Variants in STAG3 observed in about 807,000 individuals in gnomAD.
STAG3 encodes STAG3 cohesin complex component.
A neutral mutation model predicts 160.7 loss-of-function variants in STAG3; 101 were observed. That is an observed-to-expected ratio of 0.63 (90% CI 0.54 to 0.74). The LOEUF (loss-of-function observed/expected upper bound fraction) is 0.74. STAG3 is among the 30% of genes least tolerant of loss of function. The probability of loss-of-function intolerance (pLI) is 0.00; values close to 1 mark genes in which losing one functional copy is unlikely to be tolerated. For missense variants in STAG3, 1,188 were observed against 1,517.4 expected, an observed-to-expected ratio of 0.78 and a Z score of 3.61; for synonymous variants, 519 against 585.0, an observed-to-expected ratio of 0.89 and a Z score of 1.63.
In STAG3 at chr7:100,202,068, C is replaced by G. The variant is rs1181701629; in HGVS notation, c.2394+27C>G. ...TGAGTACTGACTCAAGTGGGAGCAA[C>G]AAGGCGAGTATCCCTGCCCCCATTC... is the stretch of plus-strand genomic sequence containing the variant. On this transcript the variant is annotated intron_variant, in intron 23 of 33. Coordinates refer to ENST00000615138, the MANE Select transcript of STAG3 (RefSeq NM_001282717.2). The G allele has an allele frequency of 1.9e-6, 3 of 1,613,242 alleles. No homozygotes were observed. The African/African-American group carries it at 4.0e-5, about 22-fold the overall frequency.
At chr7:100,206,991 G>A (rs1801711801) in intron 29 of STAG3, among the ~76,000 whole-genome samples, 1 of 152,084 alleles carries the variant, frequency 6.6e-6, no homozygotes, top group South Asian at 2.1e-4. Context: ...ATAATATGTG[G>A]CCTTTTATGT....
rs2056726 is a variant in STAG3, at chr7:100,182,660, G to A, written c.220-63G>A. ...TTGTGTGATAATGATGAAACCAAGC[G>A]TTAATGTCACTGTTACCTTTTTTGT... On this transcript the variant is annotated intron_variant, in intron 3 of 33. Transcript: ENST00000615138. 321,021 of 1,573,942 alleles carry A rather than the reference G, an allele frequency of 0.2. 35,532 individuals are homozygous for A. The highest frequency in any genetic ancestry group is 0.37 in the Middle Eastern group (2,180 of 5,956).
At chr7:100,216,376 G>A (rs527860926), downstream of STAG3, among the ~76,000 whole-genome samples, 296 of 152,088 alleles carry the variant, frequency 1.9e-3, 1 homozygote, top group African/African-American at 3.6e-3. Context: ...ATGAGTTGAC[G>A]AAATAAGTGT....
chr7:100,180,568 G>C lies in STAG3; in HGVS notation c.12G>C (p.Pro4=). The stretch of plus-strand genomic sequence containing the variant: ...CCTCCTCTCCAAGCATGTCTTCCCC[G>C]TTGCAAAGAGCTGTGGGAGATACCA... MSS[P]LQRAVGDTKR... Residue 4 remains proline, a synonymous_variant, in exon 2 of 34, where the codon CCG becomes CCC. Coordinates refer to ENST00000615138, the MANE Select transcript of STAG3 (RefSeq NM_001282717.2). 1 of 1,608,282 alleles carries C rather than the reference G, an allele frequency of 6.2e-7. No homozygotes were observed. The highest frequency in any genetic ancestry group is 1.7e-4 in the Middle Eastern group (1 of 6,030).
intron 25 of STAG3, among the ~76,000 whole-genome samples, chr7:100,203,496 TTTTTA>T (rs1801337466): frequency 6.6e-6 from 1 of 151,408 alleles, no homozygotes; most frequent in Admixed American, 6.6e-5. Flanking sequence ...CATTATTTGT[TTTTTA>T]TTTTATTTAT....
chr7:100,191,080 G>C (rs1409112499), intron 8 of STAG3, among the ~76,000 whole-genome samples: 1 of 151,958 alleles, frequency 6.6e-6, no homozygotes, highest in Non-Finnish European at 1.5e-5. Flanking sequence ...GGTGTCTATT[G>C]TTCATGTGAT....
Position 100,180,520 on chromosome 7 carries a change from C to T in STAG3, c.-37C>T, listed in dbSNP as rs2117042613. ...GGATCGCCATACCTACCCTGTGGTC[C>T]TCATCTTCCTGGCCTCATAGCTCCT... is the stretch of plus-strand genomic sequence containing the variant. On this transcript the variant is annotated 5_prime_UTR_variant, in exon 2 of 34. Coordinates refer to ENST00000615138, the MANE Select transcript of STAG3 (RefSeq NM_001282717.2). The T allele has an allele frequency of 2.3e-6, 3 of 1,286,060 alleles. No homozygotes were observed. Among genetic ancestry groups the T allele is most frequent in the East Asian group, 4.6e-5 (2 of 43,468 alleles). 79.7% of individuals were successfully genotyped at this position (1,286,060 alleles called of 1,614,324 possible). A position where few individuals can be genotyped will look rare whatever the true frequency, so the allele number is the denominator to read the frequency against.
Position 100,202,534 on chromosome 7 carries a change from C to T in STAG3, c.2644C>T (p.Leu882Phe), listed in dbSNP as rs760293918. 6.2e-7 allele frequency: 1 copy of T among 1,614,148 alleles called. No individual in the cohort carries two copies. Among genetic ancestry groups the T allele is most frequent in the Non-Finnish European group, 8.5e-7 (1 of 1,180,026 alleles). ...CCTAGCCGGGTTCTGCAAGCTGTTG[C>T]TTTATGGGGTGCTGGAGATGGATGC... is the stretch of plus-strand genomic sequence containing the variant. ...RLLAGFCKLLLYGVLEMDAAS... is the reference protein window; with the variant it reads ...RLLAGFCKLLFYGVLEMDAAS... The change falls in exon 25 of 34, where the codon CTT (leucine) becomes TTT (phenylalanine). Residue 882 changes from leucine to phenylalanine, a missense_variant. Around this residue, in one of 4 missense-constraint regions of STAG3, gnomAD observed 647 missense variants for 717.2 expected, o/e 0.90. Transcript: ENST00000615138.
intron 8 of STAG3, among the ~76,000 whole-genome samples, chr7:100,191,454 C>T (rs1012028624): frequency 6.6e-6 from 1 of 152,176 alleles, no homozygotes; most frequent in Non-Finnish European, 1.5e-5. Flanking sequence ...TATTGAAGTA[C>T]AGTGAGTCAC....
chr7:100,199,373 T>A lies in STAG3; in HGVS notation c.1573+6T>A. The A allele has an allele frequency of 6.2e-7, 1 of 1,612,452 alleles. No individual in the cohort carries two copies. The highest frequency in any genetic ancestry group is 8.5e-7 in the Non-Finnish European group (1 of 1,178,516). On this transcript the variant is annotated splice_donor_region_variant and intron_variant, in intron 15 of 33. Coordinates refer to ENST00000615138, the MANE Select transcript of STAG3 (RefSeq NM_001282717.2). ...GCTGCTGGAGAAGGACCAGAGTACG[T>A]GTCACACGGAGCCAGGGACAGGGAC...
At chr7:100,211,583 GC>G (rs757467734) in intron 31 of STAG3, 44 bp downstream of exon 31, 1 of 1,598,806 alleles carries the variant, frequency 6.3e-7, no homozygotes, top group African/African-American at 1.3e-5. Context: ...CAGATCTGTC[GC>G]CCACTGTGAG....
intron 8 of STAG3, among the ~76,000 whole-genome samples, chr7:100,190,212 G>T (rs757044382): frequency 6.6e-6 from 1 of 152,134 alleles, no homozygotes; most frequent in Non-Finnish European, 1.5e-5. Context: ...ATGACCACTG[G>T]GGGGCATAAG....
chr7:100,201,065 A>T, intron 19 of STAG3, 25 bp from the exon 20 acceptor site: 4 of 1,613,968 alleles, frequency 2.5e-6, no homozygotes, highest in Non-Finnish European at 3.4e-6. Flanking sequence ...GGGAAATGCT[A>T]TTGTGGATCT....
At chr7:100,187,716 G>A (rs540866457) in intron 5 of STAG3, among the ~76,000 whole-genome samples, 1 of 151,986 alleles carries the variant, frequency 6.6e-6, no homozygotes, top group East Asian at 1.9e-4. Flanking sequence ...CTCAGCATGT[G>A]CACTCATGGC....
chr7:100,211,291 T>G, intron 30 of STAG3, 106 bp downstream of exon 30: 1 of 1,479,576 alleles, frequency 6.8e-7, no homozygotes, highest in Non-Finnish European at 9.2e-7. Flanking sequence ...CACTCCCACA[T>G]TGTTGGGTTC....
At chr7:100,199,197 A>C in intron 14 of STAG3, 65 bp from the exon 15 acceptor site, 1 of 1,140,542 alleles carries the variant, frequency 8.8e-7, no homozygotes, top group Non-Finnish European at 1.3e-6. Flanking sequence ...ATATTTAATC[A>C]GTAACCACTT....
intron 2 of STAG3, among the ~76,000 whole-genome samples, chr7:100,181,863 T>A (rs1449540115): frequency 6.7e-6 from 1 of 149,228 alleles, no homozygotes; most frequent in Non-Finnish European, 1.5e-5. Flanking sequence ...ATCATGCGAT[T>A]GCACTCCAGC....
intron 32 of STAG3, 136 bp downstream of exon 32, chr7:100,212,012 A>G (rs1319080222): frequency 2.7e-6 from 2 of 731,680 alleles, no homozygotes; most frequent in East Asian, 2.7e-5. Flanking sequence ...AAAGGAGGAC[A>G]GGTTATATGT....
At chr7:100,196,716 G>A (rs1800715314) in intron 9 of STAG3, among the ~76,000 whole-genome samples, 1 of 152,088 alleles carries the variant, frequency 6.6e-6, no homozygotes, top group East Asian at 1.9e-4. Flanking sequence ...ACTTGAACCC[G>A]AGAGGTAGAG....
Sources: allele counts gnomAD v4.1 joint callset (sites outside exome capture counted in the v4.1 genomes callset), GRCh38; gene constraint gnomAD v4.1.1; regional missense constraint gnomAD v4.1.1; transcripts MANE v1.5; gene names NCBI Gene and HGNC (gene_info 2026-07-23, HGNC 2026-07-21).